Variants in SMC6 observed in about 807,000 individuals in gnomAD.
SMC6 encodes structural maintenance of chromosomes 6, also known as structural maintenance of chromosomes protein 6.
SMC6 carries 79 observed loss-of-function variants against 142.2 expected under a neutral mutation model. The ratio of observed to expected loss-of-function variants is 0.56; its 90% CI spans 0.46 to 0.67. The LOEUF (loss-of-function observed/expected upper bound fraction) is 0.67. Among genes scored for constraint, SMC6 ranks in the 30% least tolerant of loss-of-function variants. The probability of loss-of-function intolerance (pLI) is 0.00; values close to 1 mark genes in which losing one functional copy is unlikely to be tolerated. For missense variants in SMC6, 1,072 were observed against 1,284.0 expected (o/e 0.83, Z 2.52); for synonymous variants, 411 against 412.4 (o/e 1.00, Z 0.04).
intron 5 of SMC6, among the ~76,000 whole-genome samples, chr2:17,736,685 C>T (rs150954891): frequency 4.0e-5 from 6 of 149,382 alleles, no homozygotes; most frequent in Middle Eastern, 3.2e-3. Context: ...CCCAGGAGTT[C>T]GAGGCCAGGC....
At chr2:17,730,769 ATTTTTT>A (rs753341570) in intron 7 of SMC6, among the ~76,000 whole-genome samples, 1 of 139,176 alleles carries the variant, frequency 7.2e-6, no homozygotes, top group Non-Finnish European at 1.6e-5. Context: ...CACCCAGCTA[ATTTTTT>A]TTTTTTTTTT....
intron 18 of SMC6, among the ~76,000 whole-genome samples, chr2:17,706,079 G>A (rs1381259882): frequency 6.6e-6 from 1 of 152,072 alleles, no homozygotes; most frequent in Non-Finnish European, 1.5e-5. Flanking sequence ...GATGTGTCTT[G>A]TGCCTTGATT....
At chr2:17,701,787 T>A in intron 20 of SMC6, 42 bp downstream of exon 20, 1 of 1,227,186 alleles carries the variant, frequency 8.1e-7, no homozygotes, top group Non-Finnish European at 1.2e-6. Flanking sequence ...ATGGTGGCTT[T>A]ACCCTTTAAT....
At chr2:17,749,188 G>T (rs779410771) in intron 2 of SMC6, among the ~76,000 whole-genome samples, 1 of 151,854 alleles carries the variant, frequency 6.6e-6, no homozygotes, top group African/African-American at 2.4e-5. Flanking sequence ...CAGATGCAAA[G>T]AAAAATATTT....
intron 2 of SMC6, among the ~76,000 whole-genome samples, chr2:17,751,317 C>T (rs1671022435): frequency 6.6e-6 from 1 of 151,756 alleles, no homozygotes; most frequent in South Asian, 2.1e-4. Flanking sequence ...CCCATCTCTA[C>T]TAAAAATACA....
At chr2:17,742,522 CT>C (rs1215372837) in intron 3 of SMC6, among the ~76,000 whole-genome samples, 1 of 152,162 alleles carries the variant, frequency 6.6e-6, no homozygotes, top group East Asian at 1.9e-4. Flanking sequence ...GTCACTTGCA[CT>C]TTGTAGTTAT....
rs141185045 is a variant in SMC6, at chr2:17,676,344, T to C, written c.2910+2515A>G. Among the ~76,000 whole-genome samples, 411 of 152,266 alleles carry C rather than the reference T, an allele frequency of 2.7e-3. 1 individual carries two copies. Among genetic ancestry groups the C allele is most frequent in the Non-Finnish European group, 4.8e-3 (325 of 67,988 alleles). On this transcript the variant is annotated intron_variant, in intron 25 of 27. Coordinates refer to ENST00000448223, the MANE Select transcript of SMC6 (RefSeq NM_001142286.2). ...TTCTCTTGTAATTATCATCTGGTAG[T>C]CTGGTTCTATTTCCTACTTTAAAAA...
chr2:17,739,821 A>C (rs1450477401), intron 4 of SMC6, among the ~76,000 whole-genome samples: 4 of 111,434 alleles, frequency 3.6e-5, no homozygotes, highest in African/African-American at 1.6e-4. Flanking sequence ...TTTCTCTTTA[A>C]ACACACACAC....
At chr2:17,708,559 G>T (rs1410855471) in intron 17 of SMC6, 80 bp downstream of exon 17, 1 of 632,996 alleles carries the variant, frequency 1.6e-6, no homozygotes, top group East Asian at 3.5e-5. Context: ...GATAAAAGGG[G>T]AATAGGAATT....
intron 18 of SMC6, among the ~76,000 whole-genome samples, chr2:17,706,688 G>A (rs1668526834): frequency 2.0e-5 from 3 of 151,988 alleles, no homozygotes; most frequent in Admixed American, 1.3e-4. Flanking sequence ...CTTTTTGCAT[G>A]CTCATGAATC....
At chr2:17,700,482 T>C (rs1668215712) in intron 20 of SMC6, 104 bp from the exon 21 acceptor site, 1 of 824,068 alleles carries the variant, frequency 1.2e-6, no homozygotes. Flanking sequence ...ATAGGCTATA[T>C]GCAAATCAGA....
chr2:17,745,874 C>T lies in SMC6; in HGVS notation c.73G>A (p.Asp25Asn), dbSNP rs751033165. 3 of 1,612,544 alleles carry T rather than the reference C, an allele frequency of 1.9e-6. No homozygotes were observed. Among genetic ancestry groups the T allele is most frequent in the Non-Finnish European group, 2.5e-6 (3 of 1,179,440 alleles). ...AKRPRQEELEDFDKDGDEDEC... is the reference protein window; with the variant it reads ...AKRPRQEELENFDKDGDEDEC... ...TCTTCGTCACCATCTTTATCAAAAT[C>T]CTCCAATTCTTCTTGTCTTGGCCTT... The change falls in exon 3 of 28, where the codon GAT becomes AAT. Residue 25 changes from aspartate (D) to asparagine (N), a missense_variant. Around this residue, in one of 3 missense-constraint regions of SMC6, gnomAD observed 994 missense variants for 1,153.2 expected, o/e 0.86. Transcript: ENST00000448223.
rs139710446 is a variant in SMC6, at chr2:17,718,765, T to G, written c.946-542A>C. On this transcript the variant is annotated intron_variant, in intron 11 of 27. Transcript: ENST00000448223. ...TTAGAAATTAAATATTGCTAGAGCT[T>G]AAATTGAAAGGATAATGGCAGGAGA... Among the ~76,000 whole-genome samples, 1,056 of 152,226 alleles carry G rather than the reference T, an allele frequency of 6.9e-3. 10 individuals carry two copies. Among genetic ancestry groups the G allele is most frequent in the South Asian group, 0.025 (122 of 4,824 alleles).
At chr2:17,719,442 G>A (rs1015349768) in intron 11 of SMC6, among the ~76,000 whole-genome samples, 7 of 152,152 alleles carry the variant, frequency 4.6e-5, no homozygotes, top group Admixed American at 4.6e-4. Context: ...TTACCCTCCA[G>A]AAATTTGCCA....
chr2:17,719,615 T>C (rs1572325954), intron 11 of SMC6, among the ~76,000 whole-genome samples: 2 of 152,132 alleles, frequency 1.3e-5, no homozygotes, highest in East Asian at 3.9e-4. Context: ...GAGGAAAGTA[T>C]TTAAGGCCTT....
Position 17,708,773 on chromosome 2 carries a change from A to G in SMC6, c.1731-20T>C. 1.5e-6 allele frequency: 2 copies of G among 1,354,048 alleles called. No homozygotes were observed. The highest frequency in any genetic ancestry group is 2.0e-6 in the Non-Finnish European group (2 of 1,016,062). 83.9% of individuals were successfully genotyped at this position (1,354,048 alleles called of 1,614,324 possible). On this transcript the variant is annotated intron_variant, in intron 16 of 27. Transcript: ENST00000448223. ...GCAGCTCTAGGAGACAAAAATACAGAAGGATTAACTTAGCAAATTTTAATT... is the reference window on the plus strand; with the variant it reads ...GCAGCTCTAGGAGACAAAAATACAGGAGGATTAACTTAGCAAATTTTAATT...
chr2:17,741,028 C>T (rs1670445219), intron 4 of SMC6, among the ~76,000 whole-genome samples: 1 of 152,224 alleles, frequency 6.6e-6, no homozygotes, highest in Admixed American at 6.5e-5. Flanking sequence ...CCTCTCTCCA[C>T]TGTCCACCAT....
chr2:17,730,747 C>T lies in SMC6; in HGVS notation c.543+331G>A, dbSNP rs181786471. 7.1e-3 allele frequency among the ~76,000 whole-genome samples: 1,079 copies of T among 151,326 alleles called. 10 individuals are homozygous for T. The highest frequency in any genetic ancestry group is 0.025 in the South Asian group (120 of 4,784). On this transcript the variant is annotated intron_variant, in intron 7 of 27. Transcript: ENST00000448223. ...CCTCCCAAGTAGCTAGGATTACAGGCGCCCGCCACCACACCCAGCTAATTT... is the reference window on the plus strand; with the variant it reads ...CCTCCCAAGTAGCTAGGATTACAGGTGCCCGCCACCACACCCAGCTAATTT...
chr2:17,723,024 G>GAAA (rs926813678), intron 9 of SMC6, among the ~76,000 whole-genome samples: 1 of 142,074 alleles, frequency 7.0e-6, no homozygotes, highest in African/African-American at 2.7e-5. Context: ...GAAAAGAAAG[G>GAAA]AAAAAAAAAG....
Sources: allele counts gnomAD v4.1 joint callset (sites outside exome capture counted in the v4.1 genomes callset), GRCh38; gene constraint gnomAD v4.1.1; regional missense constraint gnomAD v4.1.1; transcripts MANE v1.5; gene names NCBI Gene and HGNC (gene_info 2026-07-23, HGNC 2026-07-21).